ZNF180: variants seen among roughly 807,000 people sequenced by gnomAD.
The protein encoded by ZNF180 is zinc finger protein 180, also known as zinc finger protein 180 (HHZ168).
Under a neutral mutation model 11.8 loss-of-function variants are expected in ZNF180, and 11 were observed. The observed-to-expected ratio is 0.93, with a 90% CI of 0.59 to 1.55. The LOEUF (loss-of-function observed/expected upper bound fraction) is 1.55. Among genes scored for constraint, ZNF180 ranks in the 40% most tolerant of loss-of-function variants. The pLI is 0.00. For synonymous variants in ZNF180, 287 were observed against 257.7 expected (o/e 1.11, Z -1.09); for missense variants, 773 against 781.7 (o/e 0.99, Z 0.13).
chr19:44,491,624 G>A (rs1970453269), intron 2 of ZNF180, among the ~76,000 whole-genome samples: 1 of 152,158 alleles, frequency 6.6e-6, no homozygotes. Flanking sequence ...AAGCTGGAGT[G>A]CAGTGGCACC....
At chr19:44,488,863 A>G (rs62118145) in intron 2 of ZNF180, among the ~76,000 whole-genome samples, 92,082 of 148,524 alleles carry the variant, frequency 0.62, 29,474 homozygotes, top group East Asian at 0.89. Context: ...GGTGAGGAGC[A>G]TCTCTGCCCG....
At chr19:44,498,561 C>T (rs1309765988) in intron 1 of ZNF180, among the ~76,000 whole-genome samples, 2 of 152,148 alleles carry the variant, frequency 1.3e-5, no homozygotes, top group African/African-American at 4.8e-5. Context: ...AACTGGGCAC[C>T]ATCAGGCTGT....
intron 2 of ZNF180, among the ~76,000 whole-genome samples, chr19:44,490,585 G>A (rs1220916244): frequency 6.6e-6 from 1 of 151,960 alleles, no homozygotes; most frequent in Non-Finnish European, 1.5e-5. Context: ...AGGAAAATTT[G>A]TAAATGCTAA....
Position 44,500,490 on chromosome 19 carries a change from A to G in ZNF180, c.-259T>C. 4 of 549,378 alleles carry G rather than the reference A, an allele frequency of 7.3e-6. No homozygotes were observed. The highest frequency in any genetic ancestry group is 1.3e-5 in the Non-Finnish European group (4 of 309,362). The allele number at this position is 549,378 out of a possible 1,614,324, so 34.0% of individuals were successfully genotyped here. A position where few individuals can be genotyped will look rare whatever the true frequency, so the allele number is the denominator to read the frequency against. On this transcript the variant is annotated 5_prime_UTR_variant, in exon 1 of 5. Coordinates refer to ENST00000592529, the MANE Select transcript of ZNF180 (RefSeq NM_001278509.3). ...AGGGCCGAGCTGCTCGGCGACAGCA[A>G]GCGTCCGCGCGCGGGACAATGGCTG...
In ZNF180 at chr19:44,484,188, C is replaced by T. The variant is rs111917488; in HGVS notation, c.126+173G>A. Among the ~76,000 whole-genome samples, 509 of 151,966 alleles carry T rather than the reference C, an allele frequency of 3.3e-3. 7 individuals carry two copies. Among genetic ancestry groups the T allele is most frequent in the African/African-American group, 0.012 (479 of 41,446 alleles). ...TTTTTTTGTATTTTTTTAGTAGAGA[C>T]GGGGTTTCACCGTGTTAGCCAGGAT... On this transcript the variant is annotated intron_variant, in intron 3 of 4. Coordinates refer to ENST00000592529, the MANE Select transcript of ZNF180 (RefSeq NM_001278509.3).
At chr19:44,490,142 A>C (rs58029793) in intron 2 of ZNF180, among the ~76,000 whole-genome samples, 1 of 115,016 alleles carries the variant, frequency 8.7e-6, no homozygotes. Context: ...GAAGGGAAAG[A>C]AAGGGAAAAA....
chr19:44,481,338 C>G (rs145690200), intron 3 of ZNF180, among the ~76,000 whole-genome samples: 2 of 152,222 alleles, frequency 1.3e-5, no homozygotes, highest in African/African-American at 4.8e-5. Flanking sequence ...TTCACTGAAA[C>G]CTCAAATGTT....
chr19:44,491,194 G>A (rs1455998020), intron 2 of ZNF180, among the ~76,000 whole-genome samples: 1 of 152,222 alleles, frequency 6.6e-6, no homozygotes, highest in Non-Finnish European at 1.5e-5. Context: ...TGGGGTCCCT[G>A]GAGGCACTAA....
Position 44,476,235 on chromosome 19 carries a change from C to T in ZNF180, c.*167G>A, listed in dbSNP as rs1600061664. On this transcript the variant is annotated 3_prime_UTR_variant, in exon 5 of 5. Transcript: ENST00000592529. ...GGTTGAAAAGTCGTTCATAGACTTT[C>T]CCCCTTTCTTTTCCAGAACAAATTT... The T allele has an allele frequency of 1.6e-6, 1 of 620,184 alleles. No homozygotes were observed. The highest frequency in any genetic ancestry group is 2.6e-6 in the Non-Finnish European group (1 of 388,898). The allele number at this position is 620,184 out of a possible 1,614,324, so 38.4% of individuals were successfully genotyped here.
At chr19:44,490,010 G>T (rs1970395704) in intron 2 of ZNF180, among the ~76,000 whole-genome samples, 1 of 138,036 alleles carries the variant, frequency 7.2e-6, no homozygotes. Flanking sequence ...AGAAAGAAAA[G>T]AAAAGAAAGA....
intron 1 of ZNF180, among the ~76,000 whole-genome samples, chr19:44,498,898 T>C (rs1408220244): frequency 6.6e-6 from 1 of 151,624 alleles, no homozygotes; most frequent in Non-Finnish European, 1.5e-5. Context: ...CCACCTAGAC[T>C]CCCTCCTACT....
intron 1 of ZNF180, 136 bp from the exon 2 acceptor site, chr19:44,497,513 T>C: frequency 1.2e-6 from 1 of 850,854 alleles, no homozygotes; most frequent in Non-Finnish European, 1.8e-6. Flanking sequence ...TCCTGCCAGC[T>C]TCCTGCCCAA....
intron 2 of ZNF180, among the ~76,000 whole-genome samples, chr19:44,487,502 C>T (rs368949774): frequency 1.4e-4 from 22 of 152,264 alleles, no homozygotes; most frequent in Admixed American, 6.5e-4. Context: ...CTGGTCTCAG[C>T]GCCATGACAG....
chr19:44,487,673 T>G (rs1055998256), intron 2 of ZNF180, among the ~76,000 whole-genome samples: 1 of 152,230 alleles, frequency 6.6e-6, no homozygotes, highest in African/African-American at 2.4e-5. Flanking sequence ...CCCCTGGGGC[T>G]GCTCTGCTTA....
chr19:44,499,110 C>G (rs1970666491), intron 1 of ZNF180, among the ~76,000 whole-genome samples: 5 of 152,350 alleles, frequency 3.3e-5, no homozygotes, highest in Admixed American at 3.3e-4. Flanking sequence ...GCAGCCAGGA[C>G]ACTACAACAA....
rs1194159858 is a variant in ZNF180 at position 44,477,952 on chromosome 19, C to T, written c.448G>A (p.Ala150Thr). Residue 150 changes from alanine (A) to threonine (T), a missense_variant, in exon 5 of 5, where the codon GCA (alanine) becomes ACA (threonine). Coordinates refer to ENST00000592529, the MANE Select transcript of ZNF180 (RefSeq NM_001278509.3). ...EKQEILLQEVAFTQRKAVIHE... is the reference protein window; with the variant it reads ...EKQEILLQEVTFTQRKAVIHE... The stretch of plus-strand genomic sequence containing the variant: ...ATAACTGCTTTCCTTTGAGTGAATG[C>T]CACTTCCTGCAAAAGTATCTCTTGT... 3.1e-6 allele frequency: 5 copies of T among 1,613,968 alleles called. No homozygotes were observed. The Admixed American group carries it at 6.7e-5, about 22-fold the overall frequency.
In ZNF180 at chr19:44,495,292, T is replaced by C. The variant is rs1165503707; in HGVS notation, c.51+1992A>G. On this transcript the variant is annotated intron_variant, in intron 2 of 4. Coordinates refer to ENST00000592529, the MANE Select transcript of ZNF180 (RefSeq NM_001278509.3). The surrounding 1 kb of genome is among the most constrained non-coding windows in gnomAD (Gnocchi z 4.5). The stretch of plus-strand genomic sequence containing the variant: ...TCTGCCACCCCACACTCGGCCACCC[T>C]CTGCCCAGGGGAGCTCCTCACCCTG... 1.3e-5 allele frequency among the ~76,000 whole-genome samples: 2 copies of C among 151,942 alleles called. No individual in the cohort carries two copies. Among genetic ancestry groups the C allele is most frequent in the African/African-American group, 4.8e-5 (2 of 41,326 alleles).
Position 44,495,240 on chromosome 19 carries a change from A to G in ZNF180, c.51+2044T>C, listed in dbSNP as rs577668196. Reference sequence around the variant, plus strand: ...ATTTCCACAATGACGCCCTCTCCCTATGGATGCTTTCCCAGACTCCCTGGG... The same window carrying G: ...ATTTCCACAATGACGCCCTCTCCCTGTGGATGCTTTCCCAGACTCCCTGGG... On this transcript the variant is annotated intron_variant, in intron 2 of 4. Transcript: ENST00000592529. The surrounding 1 kb of genome is among the most constrained non-coding windows in gnomAD (Gnocchi z 4.5). Among the ~76,000 whole-genome samples, 83 of 151,956 alleles carry G rather than the reference A, an allele frequency of 5.5e-4. 2 individuals are homozygous for G. The highest frequency in any genetic ancestry group is 1.4e-3 in the African/African-American group (60 of 41,438).
At chr19:44,492,304 C>CT (rs2123492491) in intron 2 of ZNF180, among the ~76,000 whole-genome samples, 1 of 152,322 alleles carries the variant, frequency 6.6e-6, no homozygotes, top group South Asian at 2.1e-4. Context: ...ACTAGAGACA[C>CT]GTGCAGAGTT....
Sources: gnomAD v4.1 joint callset for allele counts (sites outside exome capture counted in the v4.1 genomes callset) on GRCh38, gnomAD v4.1.1 for gene constraint, Gnocchi (gnomAD v3.1) non-coding constraint, MANE v1.5 for transcripts, NCBI Gene and HGNC (gene_info 2026-07-23, HGNC 2026-07-21) for gene names.